The following FAM168A variants were observed in gnomAD, a reference collection of about 807,000 sequenced individuals.
FAM168A encodes the protein family with sequence similarity 168 member A.
In FAM168A, 3 loss-of-function variants were observed where a neutral mutation model predicts 28.5. The ratio of observed to expected loss-of-function variants is 0.11; its 90% CI spans 0.05 to 0.27. The LOEUF is 0.27. FAM168A is among the 10% of genes least tolerant of loss of function. FAM168A has a pLI of 1.00. For synonymous variants in FAM168A, 122 were observed against 124.2 expected (o/e 0.98, Z 0.12); for missense variants, 222 against 311.5 (o/e 0.71, Z 2.16).
At chr11:73,523,576 G>C (rs1472989437) in intron 1 of FAM168A, among the ~76,000 whole-genome samples, 1 of 152,028 alleles carries the variant, frequency 6.6e-6, no homozygotes, top group Admixed American at 6.6e-5. Flanking sequence ...GCTTCCCAAT[G>C]GTAATCACGT....
At chr11:73,591,669 C>T (rs1944383408) in intron 1 of FAM168A, among the ~76,000 whole-genome samples, 1 of 152,136 alleles carries the variant, frequency 6.6e-6, no homozygotes, top group Admixed American at 6.6e-5. Flanking sequence ...GCCACCACAT[C>T]CAGATAATAT....
chr11:73,542,976 G>A (rs192081785), intron 1 of FAM168A, among the ~76,000 whole-genome samples: 10 of 152,048 alleles, frequency 6.6e-5, no homozygotes, highest in Non-Finnish European at 1.5e-4. Flanking sequence ...AGTTCTCTCT[G>A]CCTAAAGAAT....
intron 1 of FAM168A, among the ~76,000 whole-genome samples, chr11:73,580,014 G>C (rs1273656495): frequency 6.6e-6 from 1 of 152,156 alleles, no homozygotes; most frequent in East Asian, 1.9e-4. Flanking sequence ...CATGTTTATA[G>C]TGTTAGCACT....
chr11:73,425,947 T>C (rs1411523730), intron 3 of FAM168A, among the ~76,000 whole-genome samples: 1 of 152,240 alleles, frequency 6.6e-6, no homozygotes, highest in Admixed American at 6.5e-5. Context: ...AAGGTAAAAA[T>C]GAATGTTTGT....
chr11:73,459,879 A>ATTTTTTTTT (rs918564469), intron 2 of FAM168A, among the ~76,000 whole-genome samples: 1 of 108,456 alleles, frequency 9.2e-6, no homozygotes, highest in African/African-American at 4.0e-5. Context: ...ATCCAAATGA[A>ATTTTTTTTT]TTTTTTTTTT....
At chr11:73,480,410 G>A (rs1297151299) in intron 1 of FAM168A, among the ~76,000 whole-genome samples, 1 of 148,808 alleles carries the variant, frequency 6.7e-6, no homozygotes, top group East Asian at 1.9e-4. Context: ...TTTTTTTTAA[G>A]AACAAATTTC....
chr11:73,478,517 A>ATTTT (rs202124354), intron 1 of FAM168A, among the ~76,000 whole-genome samples: 2,795 of 152,264 alleles, frequency 0.018, 69 homozygotes, highest in African/African-American at 0.057. Context: ...TGTGGAAAAA[A>ATTTT]AGTCTAAAAT....
At chr11:73,469,134 AG>A (rs1307419408) in intron 1 of FAM168A, among the ~76,000 whole-genome samples, 1 of 152,256 alleles carries the variant, frequency 6.6e-6, no homozygotes, top group Non-Finnish European at 1.5e-5. Flanking sequence ...AATTTATTCA[AG>A]GGAAAGAAAT....
At chr11:73,555,502 C>G (rs997243087) in intron 1 of FAM168A, among the ~76,000 whole-genome samples, 1 of 151,632 alleles carries the variant, frequency 6.6e-6, no homozygotes, top group Non-Finnish European at 1.5e-5. Flanking sequence ...GTCAGGAGCT[C>G]GAGACCAGCC....
chr11:73,545,778 G>C (rs1407034175), intron 1 of FAM168A, among the ~76,000 whole-genome samples: 1 of 146,588 alleles, frequency 6.8e-6, no homozygotes, highest in Non-Finnish European at 1.5e-5. Context: ...CAAACTCCTG[G>C]GCTCAAGTGG....
intron 1 of FAM168A, among the ~76,000 whole-genome samples, chr11:73,580,999 A>C (rs1590748370): frequency 6.6e-6 from 1 of 152,368 alleles, no homozygotes; most frequent in East Asian, 1.9e-4. Flanking sequence ...CACCTGTCAA[A>C]AGAGCAGTGG....
Position 73,423,265 on chromosome 11 carries a change from C to T in FAM168A, c.152-3266G>A, listed in dbSNP as rs528278416. Among the ~76,000 whole-genome samples, 4 of 152,294 alleles carry T rather than the reference C, an allele frequency of 2.6e-5. No homozygotes were observed. In the East Asian group the frequency reaches 7.7e-4, roughly 29 times the overall value. The stretch of plus-strand genomic sequence containing the variant: ...GTCTCTCATCTGAACTACACTACTG[C>T]AACTGCTTCCTCATGTTAAATCTGC... On this transcript the variant is annotated intron_variant, in intron 3 of 7. Transcript: ENST00000356467.
intron 2 of FAM168A, among the ~76,000 whole-genome samples, chr11:73,434,637 G>C (rs987306514): frequency 1.3e-5 from 2 of 152,184 alleles, no homozygotes; most frequent in Admixed American, 6.5e-5. Flanking sequence ...GAGAGGTAAA[G>C]GGCTGGCCAG....
intron 1 of FAM168A, among the ~76,000 whole-genome samples, chr11:73,573,880 A>G (rs1049020629): frequency 6.6e-6 from 1 of 152,160 alleles, no homozygotes; most frequent in African/African-American, 2.4e-5. Flanking sequence ...CACTATGTCC[A>G]GGAGTTCCAC....
At chr11:73,478,889 T>A (rs1359736643) in intron 1 of FAM168A, among the ~76,000 whole-genome samples, 1 of 151,878 alleles carries the variant, frequency 6.6e-6, no homozygotes, top group East Asian at 1.9e-4. Flanking sequence ...ACAACTAAAG[T>A]GGGGTGATGG....
rs140072259 is a variant in FAM168A at position 73,581,156 on chromosome 11, A to G, written c.-19+16767T>C. ...ACTCTAAACTTTCCCTGTTCAGAGCATCAGATGAAGACTTCATTGGGTTTT... is the reference window on the plus strand; with the variant it reads ...ACTCTAAACTTTCCCTGTTCAGAGCGTCAGATGAAGACTTCATTGGGTTTT... On this transcript the variant is annotated intron_variant, in intron 1 of 7. Transcript: ENST00000356467. Among the ~76,000 whole-genome samples, 894 of 152,368 alleles carry G rather than the reference A, an allele frequency of 5.9e-3. 8 individuals carry two copies. The highest frequency in any genetic ancestry group is 0.027 in the Middle Eastern group (8 of 294).
At chr11:73,540,923 G>T (rs1482528719) in intron 1 of FAM168A, among the ~76,000 whole-genome samples, 2 of 152,094 alleles carry the variant, frequency 1.3e-5, no homozygotes, top group African/African-American at 4.8e-5. Context: ...AATTAAATTA[G>T]TCCGGGTACG....
chr11:73,545,040 T>TATATATATATAATA (rs1943727520), intron 1 of FAM168A, among the ~76,000 whole-genome samples: 1 of 115,384 alleles, frequency 8.7e-6, no homozygotes, highest in African/African-American at 4.0e-5. Context: ...ATATATATAT[T>TATATATATATAATA]TTTTGGAGAC....
At position 73,403,450 on chromosome 11, in the gene FAM168A, A is replaced by T. The variant is rs1367622711; in HGVS notation, c.*3313T>A. 6.6e-6 allele frequency: 1 copy of T among 152,214 alleles called. No individual in the cohort carries two copies. Among genetic ancestry groups the T allele is most frequent in the African/African-American group, 2.4e-5 (1 of 41,436 alleles). 9.4% of individuals were successfully genotyped at this position (152,214 alleles called of 1,614,324 possible). A position where few individuals can be genotyped will look rare whatever the true frequency, so the allele number is the denominator to read the frequency against. On this transcript the variant is annotated 3_prime_UTR_variant, in exon 8 of 8. Transcript: ENST00000356467. ...GTTGCACTTGGGGAGAGGCAGTGGC[A>T]TGAGGAGGAGAGAGGGGTTTGCATC...
Sources: allele counts gnomAD v4.1 joint callset (sites outside exome capture counted in the v4.1 genomes callset), GRCh38; gene constraint gnomAD v4.1.1; transcripts MANE v1.5; gene names NCBI Gene and HGNC (gene_info 2026-07-23, HGNC 2026-07-21).